The following MGAM variants were observed in gnomAD, a reference collection of about 807,000 sequenced individuals.
The protein encoded by MGAM is maltase-glucoamylase, also known as alpha-1,4-glucosidase.
MGAM carries 253 observed loss-of-function variants against 358.8 expected under a neutral mutation model. That is an observed-to-expected ratio of 0.71 (90% CI 0.64 to 0.78). The LOEUF (loss-of-function observed/expected upper bound fraction) is 0.78. Among genes scored for constraint, MGAM ranks in the 30% least tolerant of loss-of-function variants. MGAM has a pLI of 0.00. For synonymous variants in MGAM, 1,105 were observed against 1,227.1 expected (o/e 0.90, Z 2.08); for missense variants, 3,080 against 3,432.6 (o/e 0.90, Z 2.57).
chr7:142,076,145 A>T lies in MGAM; in HGVS notation c.5276-58A>T. On this transcript the variant is annotated intron_variant, in intron 45 of 70. Coordinates refer to ENST00000475668, the MANE Select transcript of MGAM (RefSeq NM_001365693.1). ...GTAACTGAAAAGAGTGGGAGTGTGA[A>T]ATCTGTTCTTCTGTGGTGGGCAAGC... The T allele has an allele frequency of 4.6e-6, 6 of 1,316,926 alleles. 2 individuals are homozygous for T. The highest frequency in any genetic ancestry group is 6.5e-6 in the Non-Finnish European group (6 of 916,986). The allele number at this position is 1,316,926 out of a possible 1,614,324, so 81.6% of individuals were successfully genotyped here.
rs782352514 is a variant in MGAM at position 142,036,943 on chromosome 7, C to A, written c.2197C>A (p.Arg733=). 4 of 1,613,616 alleles carry A rather than the reference C, an allele frequency of 2.5e-6. No homozygotes were observed. Among genetic ancestry groups the A allele is most frequent in the Non-Finnish European group, 3.4e-6 (4 of 1,179,640 alleles). The change falls in exon 18 of 71, where the codon CGA becomes AGA. Residue 733 remains arginine, a synonymous_variant. Transcript: ENST00000475668. ...LYTLFFRAHS[R]GDTVARPLLH... ...CACCCTCTTCTTCCGTGCTCACAGC[C>A]GAGGGGACACGGTGGCCAGGCCCCT...
At chr7:142,068,626 C>T in intron 42 of MGAM, 21 bp from the exon 43 acceptor site, 1 of 1,512,904 alleles carries the variant, frequency 6.6e-7, no homozygotes, top group Non-Finnish European at 9.1e-7. Context: ...ACTGCCTCAC[C>T]TTGTTTGTGT....
chr7:142,057,452 G>T (rs1251599932), intron 30 of MGAM, among the ~76,000 whole-genome samples: 1 of 149,644 alleles, frequency 6.7e-6, no homozygotes, highest in Non-Finnish European at 1.5e-5. Flanking sequence ...GGTGGTAGTG[G>T]TGGTGACAGT....
At position 142,093,452 on chromosome 7, in the gene MGAM, G is replaced by GATC; in HGVS notation, c.7074_7075insATC (p.Leu2358_Cys2359insIle). The GATC allele has an allele frequency of 7.2e-6, 11 of 1,536,882 alleles. 1 individual carries two copies. Among genetic ancestry groups the GATC allele is most frequent in the Non-Finnish European group, 9.8e-6 (11 of 1,122,758 alleles). ...ACAGGGGCCTGAGCAGCAAGACCCT[G>GATC]TGCATGGAGAGTCAGCAGATCCTCC... On this transcript the variant is annotated inframe_insertion, in exon 60 of 71. Transcript: ENST00000475668.
intron 2 of MGAM, among the ~76,000 whole-genome samples, 182 bp from the exon 3 acceptor site, chr7:142,008,324 T>A (rs1554453138): frequency 1.3e-5 from 2 of 152,128 alleles, no homozygotes; most frequent in African/African-American, 4.8e-5. Flanking sequence ...GATATAGAGA[T>A]ACACAAAGGT....
chr7:142,047,943 T>G, intron 22 of MGAM, 70 bp downstream of exon 22: 1 of 1,195,644 alleles, frequency 8.4e-7, no homozygotes, highest in Non-Finnish European at 1.2e-6. Context: ...TCACTCCTGC[T>G]GGTCATTCAG....
At position 142,055,362 on chromosome 7, in the gene MGAM, G is replaced by A. The variant is rs540754846; in HGVS notation, c.3315-196G>A. On this transcript the variant is annotated intron_variant, in intron 27 of 70. Coordinates refer to ENST00000475668, the MANE Select transcript of MGAM (RefSeq NM_001365693.1). ...AAAGGAGGCAGTGACAGAGGGAAACGGAAGAATGATGAATAACTCCTGGGC... is the reference window on the plus strand; with the variant it reads ...AAAGGAGGCAGTGACAGAGGGAAACAGAAGAATGATGAATAACTCCTGGGC... Among the ~76,000 whole-genome samples, 8 of 152,202 alleles carry A rather than the reference G, an allele frequency of 5.3e-5. No individual in the cohort carries two copies. In the South Asian group the frequency reaches 1.4e-3, roughly 28 times the overall value.
Position 142,085,840 on chromosome 7 carries a change from A to T in MGAM, c.6515A>T (p.Gln2172Leu). 1 of 1,565,074 alleles carries T rather than the reference A, an allele frequency of 6.4e-7. No homozygotes were observed. The highest frequency in any genetic ancestry group is 8.8e-7 in the Non-Finnish European group (1 of 1,140,822). The change falls in exon 55 of 71, where the codon CAG (glutamine) becomes CTG (leucine). Residue 2172 changes from glutamine (Q) to leucine (L), a missense_variant. This residue lies in a region of MGAM where 932 missense variants were observed against 1,198.2 expected (regional missense o/e 0.78). Coordinates refer to ENST00000475668, the MANE Select transcript of MGAM (RefSeq NM_001365693.1). ...MVAAQIPYDV[Q>L]YSDIDYMERQ... The stretch of plus-strand genomic sequence containing the variant: ...CCCCATGTCCTCCCGCAGGACGTGC[A>T]GTACTCAGACATCGACTACATGGAG...
intron 35 of MGAM, 30 bp from the exon 36 acceptor site, chr7:142,063,469 G>A: frequency 6.2e-7 from 1 of 1,606,308 alleles, no homozygotes; most frequent in Non-Finnish European, 8.5e-7. Flanking sequence ...ATCTTAAAAA[G>A]TGAGGTATGT....
intron 1 of MGAM, among the ~76,000 whole-genome samples, chr7:141,998,832 G>A (rs191298795): frequency 5.9e-5 from 9 of 152,150 alleles, no homozygotes; most frequent in South Asian, 2.1e-4. Context: ...GAATTGCCAC[G>A]CTGTCTTCCA....
At position 142,008,521 on chromosome 7, in the gene MGAM, C is replaced by G. The variant is rs199885071; in HGVS notation, c.143C>G (p.Thr48Arg). The change falls in exon 3 of 71, where the codon ACA (threonine) becomes AGA (arginine). Residue 48 changes from threonine (T) to arginine (R), a missense_variant. This residue lies in a region of MGAM where 1,816 missense variants were observed against 1,840.5 expected (regional missense o/e 0.99). Coordinates refer to ENST00000475668, the MANE Select transcript of MGAM (RefSeq NM_001365693.1). ...SLKSTAPDPG[T>R]TGTPDPGTTG... ...TTTGGTATAGCCCCAGATCCTGGGA[C>G]AACTGGTACCCCAGATCCTGGGACA... 6.2e-7 allele frequency: 1 copy of G among 1,610,566 alleles called. No homozygotes were observed. Among genetic ancestry groups the G allele is most frequent in the South Asian group, 1.1e-5 (1 of 90,852 alleles).
intron 57 of MGAM, among the ~76,000 whole-genome samples, chr7:142,090,655 C>T (rs535803015): frequency 6.9e-6 from 1 of 145,884 alleles, no homozygotes; most frequent in Non-Finnish European, 1.6e-5. Flanking sequence ...TGGAGTTCCC[C>T]AGACCAAGTC....
chr7:142,045,187 G>A (rs192373654), intron 21 of MGAM, among the ~76,000 whole-genome samples: 4 of 69,620 alleles, frequency 5.7e-5, no homozygotes, highest in African/African-American at 8.6e-5. Flanking sequence ...TAACATATAT[G>A]ATATATAATA....
intron 3 of MGAM, among the ~76,000 whole-genome samples, chr7:142,017,529 T>C (rs2128992322): frequency 6.6e-6 from 1 of 152,348 alleles, no homozygotes; most frequent in South Asian, 2.1e-4. Flanking sequence ...ACTCTGATCT[T>C]TGTCCTTTCC....
intron 2 of MGAM, among the ~76,000 whole-genome samples, chr7:142,007,136 A>G (rs1169448989): frequency 1.3e-5 from 2 of 152,058 alleles, no homozygotes; most frequent in African/African-American, 2.4e-5. Flanking sequence ...TTGATGTCTT[A>G]TCTTTCCTAG....
intron 17 of MGAM, 107 bp from the exon 18 acceptor site, chr7:142,036,716 C>T: frequency 7.9e-7 from 1 of 1,267,846 alleles, no homozygotes. Flanking sequence ...TGGCCTCTGT[C>T]ATTCAGGAGG....
chr7:142,055,752 T>C, intron 28 of MGAM, 26 bp downstream of exon 28: 2 of 1,612,282 alleles, frequency 1.2e-6, no homozygotes, highest in African/African-American at 2.7e-5. Flanking sequence ...TTGGGATCTG[T>C]GTCTCTGCTT....
rs1563231709 is a variant in MGAM at position 142,102,646 on chromosome 7, ACT to A, written c.7983_7984del (p.Tyr2662LeufsTer34). ...GQSIDTYGKG[L>X]YYLASFSASQ... The stretch of plus-strand genomic sequence containing the variant: ...TGTTTGCAGATACCTATGGGAAAGG[ACT>A]CTATTACTTGGCCAGCTTTTCTGCC... On this transcript the variant is annotated frameshift_variant, in exon 69 of 71. Transcript: ENST00000475668. LOFTEE classifies it high-confidence loss of function. 1.9e-6 allele frequency: 3 copies of A among 1,613,384 alleles called. No homozygotes were observed. The highest frequency in any genetic ancestry group is 2.5e-6 in the Non-Finnish European group (3 of 1,179,678).
In MGAM at chr7:142,082,067, A is replaced by T. The variant is rs1400392061; in HGVS notation, c.6028A>T (p.Thr2010Ser). The change falls in exon 51 of 71, where the codon ACC becomes TCC. Residue 2010 changes from threonine (T) to serine (S), a missense_variant. Thr to Ser is a moderately conservative substitution (Grantham distance 58). Around this residue, in one of 5 missense-constraint regions of MGAM, gnomAD observed 932 missense variants for 1,198.2 expected, o/e 0.78. Coordinates refer to ENST00000475668, the MANE Select transcript of MGAM (RefSeq NM_001365693.1). ...TTGGGACTCTCAGCTCCTTGGCTTC[A>T]CCTTCAATGACATGTTTATCCGCAT... ...IIWDSQLLGF[T>S]FNDMFIRIST... 1 of 1,555,410 alleles carries T rather than the reference A, an allele frequency of 6.4e-7. No homozygotes were observed. The highest frequency in any genetic ancestry group is 1.7e-5 in the Admixed American group (1 of 58,436).
Sources: allele counts gnomAD v4.1 joint callset (sites outside exome capture counted in the v4.1 genomes callset), GRCh38; gene constraint gnomAD v4.1.1; regional missense constraint gnomAD v4.1.1; transcripts MANE v1.5; gene names NCBI Gene and HGNC (gene_info 2026-07-23, HGNC 2026-07-21).